The following ANO10 variants were observed in gnomAD, a reference collection of about 807,000 sequenced individuals.
ANO10 encodes anoctamin 10, also known as anoctamin-10.
ANO10 carries 77 observed loss-of-function variants against 74.7 expected under a neutral mutation model. That is an observed-to-expected ratio of 1.03 (90% CI 0.86 to 1.25). ANO10 has a LOEUF of 1.25. Ranked by LOEUF, ANO10 falls within the 50% of genes most tolerant of loss-of-function variation. ANO10 has a pLI of 0.00. For synonymous variants in ANO10, 279 were observed against 284.9 expected (o/e 0.98, Z 0.21); for missense variants, 721 against 778.1 (o/e 0.93, Z 0.87).
At chr3:43,437,382 A>G (rs978766699) in intron 11 of ANO10, among the ~76,000 whole-genome samples, 1 of 152,234 alleles carries the variant, frequency 6.6e-6, no homozygotes, top group Admixed American at 6.5e-5. Context: ...AAGAACAGCC[A>G]TCAGAGAAGC....
At chr3:43,633,644 T>C (rs1379687014) in intron 1 of ANO10, among the ~76,000 whole-genome samples, 1 of 152,206 alleles carries the variant, frequency 6.6e-6, no homozygotes, top group East Asian at 1.9e-4. Flanking sequence ...ATCATGAGTG[T>C]CAAGAACTAC....
intron 4 of ANO10, 110 bp from the exon 5 acceptor site, chr3:43,580,582 A>G (rs927159908): frequency 1.5e-5 from 20 of 1,298,430 alleles, no homozygotes; most frequent in Admixed American, 5.6e-5. Context: ...CGCAAAGGTC[A>G]ATGTCATACT....
chr3:43,679,808 C>T (rs1300748097), intron 1 of ANO10, among the ~76,000 whole-genome samples: 1 of 152,224 alleles, frequency 6.6e-6, no homozygotes, highest in Non-Finnish European at 1.5e-5. Flanking sequence ...GCAGCCTCCA[C>T]TGGTGATACC....
chr3:43,563,852 G>A (rs1229210651), intron 8 of ANO10, among the ~76,000 whole-genome samples: 1 of 152,094 alleles, frequency 6.6e-6, no homozygotes, highest in Non-Finnish European at 1.5e-5. Flanking sequence ...CTGGGTGGGT[G>A]TGTGTTGGGG....
At chr3:43,644,893 T>C (rs1309366456) in intron 1 of ANO10, among the ~76,000 whole-genome samples, 1 of 152,212 alleles carries the variant, frequency 6.6e-6, no homozygotes, top group African/African-American at 2.4e-5. Flanking sequence ...TGCACCTCTG[T>C]AAAGAGGCCC....
At chr3:43,525,098 T>C (rs2078131749) in intron 11 of ANO10, among the ~76,000 whole-genome samples, 1 of 152,140 alleles carries the variant, frequency 6.6e-6, no homozygotes, top group Admixed American at 6.6e-5. Flanking sequence ...ACAGCCATAC[T>C]CTTACCCCCC....
chr3:43,502,928 G>T (rs2077152333), intron 11 of ANO10, among the ~76,000 whole-genome samples: 1 of 152,176 alleles, frequency 6.6e-6, no homozygotes, highest in Non-Finnish European at 1.5e-5. Context: ...GGAGCTAGGT[G>T]GAGGGGATAA....
At chr3:43,595,436 C>T (rs1397718667) in intron 4 of ANO10, among the ~76,000 whole-genome samples, 1 of 152,178 alleles carries the variant, frequency 6.6e-6, no homozygotes, top group Non-Finnish European at 1.5e-5. Context: ...GGCTTCATCC[C>T]TGGGATGCAA....
intron 11 of ANO10, among the ~76,000 whole-genome samples, chr3:43,517,717 T>C (rs1295069946): frequency 2.0e-5 from 3 of 152,206 alleles, no homozygotes; most frequent in Admixed American, 6.5e-5. Flanking sequence ...TGTGTTATTG[T>C]GCAAACTAAT....
At chr3:43,577,812 A>G (rs2081085044) in intron 5 of ANO10, among the ~76,000 whole-genome samples, 1 of 152,248 alleles carries the variant, frequency 6.6e-6, no homozygotes, top group Non-Finnish European at 1.5e-5. Flanking sequence ...ACAGGATTCT[A>G]CACATAAACT....
chr3:43,661,799 G>A (rs537473609), intron 1 of ANO10, among the ~76,000 whole-genome samples: 1 of 152,270 alleles, frequency 6.6e-6, no homozygotes, highest in Admixed American at 6.5e-5. Flanking sequence ...AAGATCAAAA[G>A]AGACAAAGAA....
chr3:43,554,181 TTTTTC>T (rs2079620059), intron 10 of ANO10, among the ~76,000 whole-genome samples: 1 of 149,920 alleles, frequency 6.7e-6, no homozygotes. Context: ...TGATGAGTGA[TTTTTC>T]TTTTTTTTTT....
At chr3:43,687,070 A>G (rs1347319633) in intron 1 of ANO10, among the ~76,000 whole-genome samples, 5 of 151,054 alleles carry the variant, frequency 3.3e-5, no homozygotes, top group Non-Finnish European at 7.4e-5. Context: ...TGACCCAGCT[A>G]CCACTTTCCC....
At chr3:43,654,927 T>A (rs985803932) in intron 1 of ANO10, among the ~76,000 whole-genome samples, 1 of 152,212 alleles carries the variant, frequency 6.6e-6, no homozygotes, top group African/African-American at 2.4e-5. Context: ...ATTTAAAAAG[T>A]TACAACTTGA....
chr3:43,510,074 G>A (rs1200763711), intron 11 of ANO10, among the ~76,000 whole-genome samples: 3 of 152,100 alleles, frequency 2.0e-5, no homozygotes, highest in African/African-American at 4.8e-5. Flanking sequence ...CATGGTAATG[G>A]AGCAGTCCTG....
intron 12 of ANO10, among the ~76,000 whole-genome samples, chr3:43,414,011 C>T (rs778975796): frequency 6.6e-6 from 1 of 151,860 alleles, no homozygotes; most frequent in Admixed American, 6.6e-5. Flanking sequence ...CCACAAGGAC[C>T]GAGACCTTTC....
intron 11 of ANO10, among the ~76,000 whole-genome samples, chr3:43,547,117 G>T (rs1267729413): frequency 6.6e-6 from 1 of 152,130 alleles, no homozygotes; most frequent in Admixed American, 6.5e-5. Context: ...TGAGACCATT[G>T]AGACTAGAAG....
intron 11 of ANO10, among the ~76,000 whole-genome samples, chr3:43,496,216 C>T (rs754944040): frequency 1.3e-5 from 2 of 152,062 alleles, no homozygotes; most frequent in Middle Eastern, 3.2e-3. Flanking sequence ...CTCAAAATAT[C>T]GGAAAACAAT....
At chr3:43,451,637 G>A (rs1419763850) in intron 11 of ANO10, among the ~76,000 whole-genome samples, 1 of 152,056 alleles carries the variant, frequency 6.6e-6, no homozygotes, top group Admixed American at 6.6e-5. Flanking sequence ...ATTAGGGGGT[G>A]GGTAGGAGGA....
Sources: gnomAD v4.1 joint callset for allele counts (sites outside exome capture counted in the v4.1 genomes callset) on GRCh38, gnomAD v4.1.1 for gene constraint, MANE v1.5 for transcripts, NCBI Gene and HGNC (gene_info 2026-07-23, HGNC 2026-07-21) for gene names.